PCDHGB5: variants seen among roughly 807,000 people sequenced by gnomAD.
PCDHGB5 encodes the protein protocadherin gamma-B5.
A neutral mutation model predicts 62.9 loss-of-function variants in PCDHGB5; 48 were observed. The ratio of observed to expected loss-of-function variants is 0.76; its 90% CI spans 0.61 to 0.97. The LOEUF (loss-of-function observed/expected upper bound fraction) is 0.97. PCDHGB5 is among the 50% of genes least tolerant of loss of function. The pLI is 0.00. For synonymous variants in PCDHGB5, 474 were observed against 511.2 expected (o/e 0.93, Z 0.98); for missense variants, 1,118 against 1,198.6 (o/e 0.93, Z 0.99).
chr5:141,421,219 G>C (rs894586889), intron 1 of PCDHGB5: 1 of 1,573,208 alleles, frequency 6.4e-7, no homozygotes. Context: ...TATCGGCTTA[G>C]AGCCTGCCAT....
At chr5:141,441,663 G>A (rs777315226) in intron 1 of PCDHGB5, 20 of 260,482 alleles carry the variant, frequency 7.7e-5, no homozygotes, top group Non-Finnish European at 1.2e-4. Context: ...GTCCTTGAGC[G>A]CACAGTGCGC....
rs567522277 is a variant in PCDHGB5, at chr5:141,485,131, A to G, written c.2398-9676A>G. 1.3e-6 allele frequency: 2 copies of G among 1,482,660 alleles called. No individual in the cohort carries two copies. The highest frequency in any genetic ancestry group is 1.2e-5 in the South Asian group (1 of 83,730). 91.8% of individuals were successfully genotyped at this position (1,482,660 alleles called of 1,614,324 possible). ...TGGCTGTTTGGGGCGGGTCGGCTTC[A>G]TCCGCGTCTCAGGAGCAAGTAGAGA... On this transcript the variant is annotated intron_variant, in intron 1 of 3. Transcript: ENST00000617380. The surrounding 1 kb of genome is among the most constrained non-coding windows in gnomAD (Gnocchi z 5.7).
At chr5:141,410,560 A>C (rs769354927) in intron 1 of PCDHGB5, 42 of 1,612,824 alleles carry the variant, frequency 2.6e-5, no homozygotes, top group Non-Finnish European at 3.5e-5. Context: ...TTTCTCCTGG[A>C]GCCTTAATTC....
At chr5:141,421,318 C>A (rs370020854) in intron 1 of PCDHGB5, 1 of 1,613,822 alleles carries the variant, frequency 6.2e-7, no homozygotes. Context: ...CCGGGCCAGG[C>A]AGATCCGATA....
chr5:141,485,866 C>T lies in PCDHGB5; in HGVS notation c.2398-8941C>T. The T allele has an allele frequency of 2.5e-6, 4 of 1,614,144 alleles. No individual in the cohort carries two copies. Among genetic ancestry groups the T allele is most frequent in the Non-Finnish European group, 3.4e-6 (4 of 1,180,014 alleles). On this transcript the variant is annotated intron_variant, in intron 1 of 3. Coordinates refer to ENST00000617380, the MANE Select transcript of PCDHGB5 (RefSeq NM_018925.3). The surrounding 1 kb of genome is among the most constrained non-coding windows in gnomAD (Gnocchi z 5.7). ...CTGGCACCGCAGAGCTCCGGGTATCCGTGCTGGACGTAAACGACAACGCCC... is the reference window on the plus strand; with the variant it reads ...CTGGCACCGCAGAGCTCCGGGTATCTGTGCTGGACGTAAACGACAACGCCC...
chr5:141,414,377 C>T (rs2095740461), intron 1 of PCDHGB5: 1 of 1,613,760 alleles, frequency 6.2e-7, no homozygotes, highest in South Asian at 1.1e-5. Context: ...TTAGAAAAGT[C>T]CATTGACAGT....
rs1206130340 is a variant in PCDHGB5, at chr5:141,473,814, G to A, written c.2398-20993G>A. On this transcript the variant is annotated intron_variant, in intron 1 of 3. Coordinates refer to ENST00000617380, the MANE Select transcript of PCDHGB5 (RefSeq NM_018925.3). ...GTATGATGCTACTGAGGAGCAGCTG[G>A]ACAATTGTGTGATCCAATTAAAATT... Among the ~76,000 whole-genome samples, 5 of 152,188 alleles carry A rather than the reference G, an allele frequency of 3.3e-5. No individual in the cohort carries two copies. The East Asian group carries it at 9.6e-4, about 29-fold the overall frequency.
At position 141,432,783 on chromosome 5, in the gene PCDHGB5, T is replaced by G; in HGVS notation, c.2397+32259T>G. The G allele has an allele frequency of 6.2e-7, 1 of 1,614,118 alleles. No individual in the cohort carries two copies. On this transcript the variant is annotated intron_variant, in intron 1 of 3. Transcript: ENST00000617380. The surrounding 1 kb of genome is among the most constrained non-coding windows in gnomAD (Gnocchi z 6.0). ...AGCATCCCCCAAGTCCTGGCGGACC[T>G]CGGCAGCCTCGAGTCTCCAGCTAAC...
chr5:141,447,848 G>A (rs539844218), intron 1 of PCDHGB5, among the ~76,000 whole-genome samples: 46 of 152,302 alleles, frequency 3.0e-4, no homozygotes, highest in East Asian at 2.7e-3. Context: ...TGCTTTGGGA[G>A]GCCGAGGTGG....
chr5:141,409,725 G>A (rs1416188591), intron 1 of PCDHGB5: 1 of 1,613,172 alleles, frequency 6.2e-7, no homozygotes, highest in Non-Finnish European at 8.5e-7. Context: ...GTGTCAGTGA[G>A]CGCGCAGAGC....
intron 1 of PCDHGB5, among the ~76,000 whole-genome samples, chr5:141,479,107 G>A (rs1212999480): frequency 6.6e-6 from 1 of 152,090 alleles, no homozygotes; most frequent in Non-Finnish European, 1.5e-5. Flanking sequence ...TTTATTTCAA[G>A]CATTCTACTG....
At chr5:141,400,819 C>A (rs1316119038) in intron 1 of PCDHGB5, among the ~76,000 whole-genome samples, 1 of 152,132 alleles carries the variant, frequency 6.6e-6, no homozygotes, top group African/African-American at 2.4e-5. Flanking sequence ...TTTACCTATT[C>A]GTTGTCTCAT....
At chr5:141,478,720 G>T (rs2154576937) in intron 1 of PCDHGB5, 1 of 1,543,694 alleles carries the variant, frequency 6.5e-7, no homozygotes, top group Admixed American at 2.0e-5. Context: ...ATGGTGGCCT[G>T]CCAGAGTGTG....
chr5:141,483,444 T>C (rs956913442), intron 1 of PCDHGB5, among the ~76,000 whole-genome samples: 1 of 152,108 alleles, frequency 6.6e-6, no homozygotes, highest in African/African-American at 2.4e-5. Context: ...TACAATAAAA[T>C]CATCAGGACT....
At chr5:141,444,152 A>ATTTTT (rs747671382) in intron 1 of PCDHGB5, among the ~76,000 whole-genome samples, 10 of 33,898 alleles carry the variant, frequency 3.0e-4, no homozygotes, top group Middle Eastern at 0.019. Context: ...TGTGTACTGG[A>ATTTTT]TTTTTTTTTT....
intron 1 of PCDHGB5, among the ~76,000 whole-genome samples, chr5:141,464,525 A>G (rs919668801): frequency 3.3e-5 from 5 of 152,064 alleles, no homozygotes; most frequent in Non-Finnish European, 5.9e-5. Context: ...AGGCATATGT[A>G]GTTTTGTTAA....
At position 141,489,068 on chromosome 5, in the gene PCDHGB5, G is replaced by GGCCCC; in HGVS notation, c.2398-5739_2398-5738insGCCCC. On this transcript the variant is annotated intron_variant, in intron 1 of 3. Coordinates refer to ENST00000617380, the MANE Select transcript of PCDHGB5 (RefSeq NM_018925.3). This position sits in a 1 kb window ranked among gnomAD's most constrained non-coding sequence, Gnocchi z 4.5. ...CTCAAATTCAGCTCCCCTCCCCCCT[G>GGCCCC]CCCACCCCCGCCACTCGGTGACTAA... 3.4e-6 allele frequency: 1 copy of GGCCCC among 291,558 alleles called. No individual in the cohort carries two copies. 18.1% of individuals were successfully genotyped at this position (291,558 alleles called of 1,614,324 possible). A position where few individuals can be genotyped will look rare whatever the true frequency, so the allele number is the denominator to read the frequency against.
In PCDHGB5 at chr5:141,487,765, GC is replaced by G. The variant is rs2099665397; in HGVS notation, c.2398-7041del. The G allele has an allele frequency of 6.5e-7, 1 of 1,541,774 alleles. No individual in the cohort carries two copies. Among genetic ancestry groups the G allele is most frequent in the South Asian group, 1.2e-5 (1 of 83,146 alleles). On this transcript the variant is annotated intron_variant, in intron 1 of 3. Transcript: ENST00000617380. This position sits in a 1 kb window ranked among gnomAD's most constrained non-coding sequence, Gnocchi z 5.0. ...GAGGTAACTATGTGGTAGACGCTGT[GC>G]TTTGTAACTGTTTCGTGAATTAACC...
intron 1 of PCDHGB5, among the ~76,000 whole-genome samples, chr5:141,459,646 T>C (rs2098972004): frequency 6.6e-6 from 1 of 152,266 alleles, no homozygotes; most frequent in Non-Finnish European, 1.5e-5. Context: ...TTTTTCAAAA[T>C]GGTAATATCA....
Sources: gnomAD v4.1 joint callset for allele counts (sites outside exome capture counted in the v4.1 genomes callset) on GRCh38, gnomAD v4.1.1 for gene constraint, Gnocchi (gnomAD v3.1) non-coding constraint, MANE v1.5 for transcripts, NCBI Gene and HGNC (gene_info 2026-07-23, HGNC 2026-07-21) for gene names.